MAP2K5: variants seen among roughly 807,000 people sequenced by gnomAD.
The protein encoded by MAP2K5 is dual specificity mitogen-activated protein kinase kinase 5.
A neutral mutation model predicts 83.1 loss-of-function variants in MAP2K5; 49 were observed. The ratio of observed to expected loss-of-function variants is 0.59; its 90% confidence interval spans 0.47 to 0.75. The LOEUF is 0.75. MAP2K5 is among the 30% of genes least tolerant of loss of function. The pLI is 0.00. For missense variants in MAP2K5, 457 were observed against 557.5 expected (o/e 0.82, Z 1.82); for synonymous variants, 202 against 191.8 (o/e 1.05, Z -0.44).
At chr15:67,721,916 A>G (rs1055425068) in intron 16 of MAP2K5, among the ~76,000 whole-genome samples, 1 of 152,212 alleles carries the variant, frequency 6.6e-6, no homozygotes, top group Admixed American at 6.5e-5. Context: ...TGCTTTCGTT[A>G]CATTTATTAT....
intron 17 of MAP2K5, among the ~76,000 whole-genome samples, chr15:67,742,076 A>G (rs2089506630): frequency 1.3e-5 from 2 of 152,052 alleles, no homozygotes; most frequent in Admixed American, 1.3e-4. Context: ...TTGTATCTTT[A>G]GTAGAGATGG....
At chr15:67,714,571 G>A (rs2088786497) in intron 16 of MAP2K5, among the ~76,000 whole-genome samples, 1 of 151,590 alleles carries the variant, frequency 6.6e-6, no homozygotes, top group Non-Finnish European at 1.5e-5. Flanking sequence ...TGTATGCTCT[G>A]TAAGCAGCTG....
intron 21 of MAP2K5, among the ~76,000 whole-genome samples, chr15:67,804,982 C>CCACA (rs1009817429): frequency 6.6e-6 from 1 of 152,202 alleles, no homozygotes; most frequent in Non-Finnish European, 1.5e-5. Flanking sequence ...ATCCACAGGG[C>CCACA]CACACCCAGC....
At chr15:67,729,242 T>A (rs1009067016) in intron 17 of MAP2K5, among the ~76,000 whole-genome samples, 3 of 152,222 alleles carry the variant, frequency 2.0e-5, no homozygotes, top group Non-Finnish European at 4.4e-5. Context: ...GGTAAGCTTC[T>A]TATTCTGTCA....
chr15:67,775,429 C>A lies in MAP2K5; in HGVS notation c.1242+2677C>A, dbSNP rs1297862940. 6.6e-6 allele frequency among the ~76,000 whole-genome samples: 1 copy of A among 152,196 alleles called. No homozygotes were observed. Among genetic ancestry groups the A allele is most frequent in the Admixed American group, 6.5e-5 (1 of 15,280 alleles). On this transcript the variant is annotated intron_variant, in intron 21 of 21. Transcript: ENST00000178640. This position sits in a 1 kb window ranked among gnomAD's most constrained non-coding sequence, Gnocchi z 5.3. Reference sequence around the variant, plus strand: ...GCTGCTGTGGTTTTCTGGCATGTAGCCATGAAGCTACATCAGAAGTGCTCT... The same window carrying A: ...GCTGCTGTGGTTTTCTGGCATGTAGACATGAAGCTACATCAGAAGTGCTCT...
chr15:67,574,596 C>T (rs2085015888), intron 3 of MAP2K5, among the ~76,000 whole-genome samples: 1 of 137,070 alleles, frequency 7.3e-6, no homozygotes, highest in Non-Finnish European at 1.6e-5. Flanking sequence ...AGGCCAGGTG[C>T]TGTGGCTCAC....
chr15:67,697,735 T>G (rs938345987), intron 15 of MAP2K5, among the ~76,000 whole-genome samples: 1 of 152,108 alleles, frequency 6.6e-6, no homozygotes, highest in Non-Finnish European at 1.5e-5. Context: ...ATTACCCAAA[T>G]ACAGCCAGCT....
At chr15:67,630,831 C>G in intron 8 of MAP2K5, 57 bp from the exon 9 acceptor site, 1 of 1,288,206 alleles carries the variant, frequency 7.8e-7, no homozygotes, top group South Asian at 1.2e-5. Context: ...ATGTCCTTAA[C>G]CATTTTGTAG....
chr15:67,723,254 A>G (rs955106971), intron 16 of MAP2K5, among the ~76,000 whole-genome samples: 1 of 152,156 alleles, frequency 6.6e-6, no homozygotes, highest in Non-Finnish European at 1.5e-5. Flanking sequence ...ATATTTGGCA[A>G]TTGTTATGAT....
chr15:67,547,589 G>A (rs1327091148), intron 1 of MAP2K5, among the ~76,000 whole-genome samples: 1 of 151,610 alleles, frequency 6.6e-6, no homozygotes, highest in Non-Finnish European at 1.5e-5. Context: ...CTGAGCAGCT[G>A]GGATTACAGA....
chr15:67,592,463 A>G (rs1359499286), intron 6 of MAP2K5, among the ~76,000 whole-genome samples: 1 of 152,214 alleles, frequency 6.6e-6, no homozygotes, highest in Non-Finnish European at 1.5e-5. Context: ...TTTGTACTAC[A>G]TATTTGCTTC....
Position 67,592,902 on chromosome 15 carries a change from C to T in MAP2K5, c.432-24C>T, listed in dbSNP as rs114167883. 1,776 of 1,585,306 alleles carry T rather than the reference C, an allele frequency of 1.1e-3. 12 individuals carry two copies. The African/African-American group carries it at 0.018, about 16-fold the overall frequency. On this transcript the variant is annotated intron_variant, in intron 6 of 21. Transcript: ENST00000178640. ...TTCAGAGGTGTTGATGATCTTGCCACTAAAAATTATCTTTCCTTTTCAGCT... is the reference window on the plus strand; with the variant it reads ...TTCAGAGGTGTTGATGATCTTGCCATTAAAAATTATCTTTCCTTTTCAGCT...
intron 8 of MAP2K5, among the ~76,000 whole-genome samples, chr15:67,621,043 G>A (rs1394452666): frequency 1.2e-5 from 1 of 85,332 alleles, no homozygotes; most frequent in Non-Finnish European, 2.8e-5. Flanking sequence ...TGCTATTTTA[G>A]ACTGTATTGG....
In MAP2K5 at chr15:67,543,201, C is replaced by A. The variant is rs1291840707; in HGVS notation, c.-135C>A. The stretch of plus-strand genomic sequence containing the variant: ...CTGATCACCCCTCCCCTCTTCCCTC[C>A]CCCTCATCCTCCATTCCCTTGTTTT... On this transcript the variant is annotated 5_prime_UTR_variant, in exon 1 of 22. Transcript: ENST00000178640. This position sits in a 1 kb window ranked among gnomAD's most constrained non-coding sequence, Gnocchi z 4.3. The A allele has an allele frequency of 1.1e-6, 1 of 880,306 alleles. No individual in the cohort carries two copies. Among genetic ancestry groups the A allele is most frequent in the Non-Finnish European group, 1.8e-6 (1 of 550,038 alleles). The allele number at this position is 880,306 out of a possible 1,614,324, so 54.5% of individuals were successfully genotyped here.
chr15:67,658,808 A>G (rs1202583995), intron 12 of MAP2K5, 194 bp downstream of exon 12: 1 of 633,550 alleles, frequency 1.6e-6, no homozygotes, highest in Non-Finnish European at 2.9e-6. Flanking sequence ...TCACACGCTT[A>G]TGTGCTCCAA....
chr15:67,681,716 G>T (rs890017212), intron 13 of MAP2K5, among the ~76,000 whole-genome samples: 2 of 152,088 alleles, frequency 1.3e-5, no homozygotes, highest in Admixed American at 6.6e-5. Flanking sequence ...TTCACTAAAG[G>T]TTTATGTGTT....
chr15:67,790,849 A>G lies in MAP2K5; in HGVS notation c.1243-15797A>G, dbSNP rs2090503877. ...AAGTACTGCAAAATTTAGGCCACTG[A>G]TAGTTATGACTATGGAACTGCCTCT... On this transcript the variant is annotated intron_variant, in intron 21 of 21. Transcript: ENST00000178640. The surrounding 1 kb of genome is among the most constrained non-coding windows in gnomAD (Gnocchi z 4.6). 6.6e-6 allele frequency among the ~76,000 whole-genome samples: 1 copy of G among 152,206 alleles called. No individual in the cohort carries two copies. Among genetic ancestry groups the G allele is most frequent in the Non-Finnish European group, 1.5e-5 (1 of 68,032 alleles).
rs1416062768 is a variant in MAP2K5 at position 67,802,009 on chromosome 15, A to G, written c.1243-4637A>G. Among the ~76,000 whole-genome samples, 2 of 152,182 alleles carry G rather than the reference A, an allele frequency of 1.3e-5. No homozygotes were observed. Among genetic ancestry groups the G allele is most frequent in the Admixed American group, 6.5e-5 (1 of 15,286 alleles). On this transcript the variant is annotated intron_variant, in intron 21 of 21. Coordinates refer to ENST00000178640, the MANE Select transcript of MAP2K5 (RefSeq NM_145160.3). This position sits in a 1 kb window ranked among gnomAD's most constrained non-coding sequence, Gnocchi z 5.0. Reference sequence around the variant, plus strand: ...CACTGGACTGGAAGTCCAGCCCCACAGGCCTCAGGCAGCACCCACACACTG... The same window carrying G: ...CACTGGACTGGAAGTCCAGCCCCACGGGCCTCAGGCAGCACCCACACACTG...
Position 67,558,646 on chromosome 15 carries a change from C to T in MAP2K5, c.185-4637C>T, listed in dbSNP as rs11630951. Among the ~76,000 whole-genome samples, 1,117 of 152,300 alleles carry T rather than the reference C, an allele frequency of 7.3e-3. 10 individuals carry two copies. Among genetic ancestry groups the T allele is most frequent in the Non-Finnish European group, 0.012 (834 of 68,032 alleles). ...TGTCCCACCATTGTTTCTCTGAACC[C>T]GTGTGTTTCTCCCCAAACCTCTCAT... is the stretch of plus-strand genomic sequence containing the variant. On this transcript the variant is annotated intron_variant, in intron 2 of 21. Coordinates refer to ENST00000178640, the MANE Select transcript of MAP2K5 (RefSeq NM_145160.3).
Sources: gnomAD v4.1 joint callset for allele counts (sites outside exome capture counted in the v4.1 genomes callset) on GRCh38, gnomAD v4.1.1 for gene constraint, Gnocchi (gnomAD v3.1) non-coding constraint, MANE v1.5 for transcripts, NCBI Gene and HGNC (gene_info 2026-07-23, HGNC 2026-07-21) for gene names.